NDE1: variants seen among roughly 807,000 people sequenced by gnomAD.
NDE1 encodes nuclear distribution protein nudE homolog 1.
In NDE1, 28 loss-of-function variants were observed where a neutral mutation model predicts 43.4. The observed-to-expected ratio is 0.65, with a 90% CI of 0.48 to 0.89. The LOEUF is 0.89. Among genes scored for constraint, NDE1 ranks in the 40% least tolerant of loss-of-function variants. The pLI, the probability that NDE1 is intolerant of heterozygous loss-of-function variation, is 0.00. For synonymous variants in NDE1, 184 were observed against 172.0 expected, an observed-to-expected ratio of 1.07 and a Z score of -0.55; for missense variants, 441 against 434.1, an observed-to-expected ratio of 1.02 and a Z score of -0.14.
intron 1 of NDE1, among the ~76,000 whole-genome samples, chr16:15,644,384 A>G (rs779617241): frequency 4.6e-5 from 7 of 152,340 alleles, no homozygotes; most frequent in Non-Finnish European, 1.0e-4. Context: ...AGGATCAGAC[A>G]TGTAGCTGAA....
Position 15,715,182 on chromosome 16 carries a change from G to A in NDE1, c.948-9009G>A, listed in dbSNP as rs760286479. On this transcript the variant is annotated intron_variant, in intron 8 of 8. Transcript: ENST00000396354. Reference sequence around the variant, plus strand: ...GGGCTACCTGCTCCTTGTACTGCTCGGCCATCTTGCGCTCGTCCTCCACCT... The same window carrying A: ...GGGCTACCTGCTCCTTGTACTGCTCAGCCATCTTGCGCTCGTCCTCCACCT... The A allele has an allele frequency of 2.7e-5, 44 of 1,613,860 alleles. No individual in the cohort carries two copies. The East Asian group carries it at 5.1e-4, about 19-fold the overall frequency.
chr16:15,678,767 A>G (rs1050174777), intron 4 of NDE1, among the ~76,000 whole-genome samples: 5 of 152,074 alleles, frequency 3.3e-5, no homozygotes, highest in African/African-American at 1.2e-4. Context: ...TTTATATATG[A>G]ATTATATACA....
chr16:15,703,277 G>A lies in NDE1; in HGVS notation c.947+6417G>A, dbSNP rs1270933751. ...ACAGAAGGCACTTGGTGAACTGTGC[G>A]TGTCTGAGGTGTGGAAACCAGGAGA... On this transcript the variant is annotated intron_variant, in intron 8 of 8. Coordinates refer to ENST00000396354, the MANE Select transcript of NDE1 (RefSeq NM_017668.3). 12 of 223,598 alleles carry A rather than the reference G, an allele frequency of 5.4e-5. 1 individual carries two copies. Among genetic ancestry groups the A allele is most frequent in the Non-Finnish European group, 9.8e-5 (11 of 111,770 alleles). The allele number at this position is 223,598 out of a possible 1,614,324, so 13.9% of individuals were successfully genotyped here.
At chr16:15,661,057 A>G (rs916378184) in intron 1 of NDE1, among the ~76,000 whole-genome samples, 1 of 151,908 alleles carries the variant, frequency 6.6e-6, no homozygotes, top group Non-Finnish European at 1.5e-5. Flanking sequence ...CAGCTGCGAT[A>G]TTGCATCTTG....
intron 3 of NDE1, among the ~76,000 whole-genome samples, chr16:15,673,493 C>T (rs1478691306): frequency 1.3e-5 from 2 of 151,910 alleles, no homozygotes; most frequent in African/African-American, 2.4e-5. Context: ...CCGTGCACCA[C>T]TATGCCGGGC....
chr16:15,679,690 C>G (rs781632198), intron 4 of NDE1, among the ~76,000 whole-genome samples: 2 of 152,312 alleles, frequency 1.3e-5, no homozygotes, highest in Non-Finnish European at 1.5e-5. Flanking sequence ...TTTCTTTATA[C>G]TCCACGCATT....
At chr16:15,657,957 A>G (rs920160750) in intron 1 of NDE1, among the ~76,000 whole-genome samples, 5 of 152,186 alleles carry the variant, frequency 3.3e-5, no homozygotes, top group Admixed American at 6.5e-5. Context: ...TACATTCATT[A>G]AGATTCCTGC....
chr16:15,679,043 C>T (rs1468337118), intron 4 of NDE1, among the ~76,000 whole-genome samples: 1 of 152,132 alleles, frequency 6.6e-6, no homozygotes, highest in Non-Finnish European at 1.5e-5. Context: ...CGCCACTGCA[C>T]TCCAGCCTGG....
Position 15,671,780 on chromosome 16 carries a change from T to G in NDE1, c.237+4341T>G, listed in dbSNP as rs141863479. Reference sequence around the variant, plus strand: ...ATCTCAGCTCACTGCAACCTCTGACTTCCAGGCTTAAGTGATCCTCCCACC... The same window carrying G: ...ATCTCAGCTCACTGCAACCTCTGACGTCCAGGCTTAAGTGATCCTCCCACC... On this transcript the variant is annotated intron_variant, in intron 3 of 8. Transcript: ENST00000396354. Among the ~76,000 whole-genome samples the G allele has an allele frequency of 2.8e-3, 419 of 152,190 alleles. 2 individuals carry two copies. The highest frequency in any genetic ancestry group is 9.6e-3 in the African/African-American group (400 of 41,544).
chr16:15,670,360 C>G (rs959895935), intron 3 of NDE1, among the ~76,000 whole-genome samples: 1 of 151,936 alleles, frequency 6.6e-6, no homozygotes, highest in African/African-American at 2.4e-5. Flanking sequence ...GGGGGCCTTT[C>G]AAGAGAAAAA....
chr16:15,711,882 G>A (rs756379857), intron 8 of NDE1, among the ~76,000 whole-genome samples: 28 of 152,222 alleles, frequency 1.8e-4, no homozygotes, highest in Admixed American at 4.6e-4. Flanking sequence ...TAGTAGAGAC[G>A]GGGTTTCACC....
intron 1 of NDE1, among the ~76,000 whole-genome samples, chr16:15,656,915 A>G (rs1294296469): frequency 6.6e-6 from 1 of 152,106 alleles, no homozygotes; most frequent in Non-Finnish European, 1.5e-5. Flanking sequence ...GTAGGGTAAG[A>G]AATGTGTAGA....
intron 8 of NDE1, chr16:15,699,522 G>GT (rs1186960112): frequency 8.5e-7 from 1 of 1,180,720 alleles, no homozygotes. Flanking sequence ...TTTCTAGTGG[G>GT]TCTGAGACTG....
chr16:15,710,067 C>CA (rs1197859736), intron 8 of NDE1, among the ~76,000 whole-genome samples: 1 of 152,170 alleles, frequency 6.6e-6, no homozygotes, highest in African/African-American at 2.4e-5. Flanking sequence ...TTTGTGCACC[C>CA]AAAAGATGCA....
Position 15,725,129 on chromosome 16 carries a change from T to G in NDE1, c.*878T>G, listed in dbSNP as rs1429061928. 1.5e-6 allele frequency: 1 copy of G among 646,132 alleles called. No homozygotes were observed. The highest frequency in any genetic ancestry group is 2.7e-6 in the Non-Finnish European group (1 of 376,968). 40.0% of individuals were successfully genotyped at this position (646,132 alleles called of 1,614,324 possible). ...AGAAAATACCCGTGAGGTATGGGAC[T>G]CTGATAAAAAAAAAAAAAAACACAC... On this transcript the variant is annotated 3_prime_UTR_variant, in exon 9 of 9. Coordinates refer to ENST00000396354, the MANE Select transcript of NDE1 (RefSeq NM_017668.3).
chr16:15,675,017 G>T (rs752209340), intron 3 of NDE1, among the ~76,000 whole-genome samples: 1 of 152,090 alleles, frequency 6.6e-6, no homozygotes, highest in Non-Finnish European at 1.5e-5. Flanking sequence ...TTTGGTTGTG[G>T]ACACCTTGGG....
At chr16:15,715,151 T>G in intron 8 of NDE1, 1 of 1,613,048 alleles carries the variant, frequency 6.2e-7, no homozygotes, top group Non-Finnish European at 8.5e-7. Context: ...GGAGGCTGGG[T>G]GGCAGGGGCT....
intron 4 of NDE1, chr16:15,687,161 C>T (rs760969016): frequency 5.5e-6 from 8 of 1,463,062 alleles, no homozygotes; most frequent in South Asian, 5.2e-5. Context: ...ATGACAGCCT[C>T]GTGCACCCCA....
chr16:15,725,304 C>A lies in NDE1; in HGVS notation c.*1053C>A. On this transcript the variant is annotated 3_prime_UTR_variant, in exon 9 of 9. Coordinates refer to ENST00000396354, the MANE Select transcript of NDE1 (RefSeq NM_017668.3). ...TGATCCCACTAAATGGATCCTAGATCCCTGCCAAGGTTGGTAGAGACAAAG... is the reference window on the plus strand; with the variant it reads ...TGATCCCACTAAATGGATCCTAGATACCTGCCAAGGTTGGTAGAGACAAAG... 1 of 571,020 alleles carries A rather than the reference C, an allele frequency of 1.8e-6. No individual in the cohort carries two copies. The highest frequency in any genetic ancestry group is 3.1e-6 in the Non-Finnish European group (1 of 322,680). The allele number at this position is 571,020 out of a possible 1,614,324, so 35.4% of individuals were successfully genotyped here.
Sources: allele counts gnomAD v4.1 joint callset (sites outside exome capture counted in the v4.1 genomes callset), GRCh38; gene constraint gnomAD v4.1.1; transcripts MANE v1.5; gene names NCBI Gene and HGNC (gene_info 2026-07-23, HGNC 2026-07-21).